Variants in LTBP1 observed in about 807,000 individuals in gnomAD.
LTBP1 encodes the protein latent transforming growth factor beta binding protein 1.
Under a neutral mutation model 207.6 loss-of-function variants are expected in LTBP1, and 129 were observed. The ratio of observed to expected loss-of-function variants is 0.62; its 90% CI spans 0.54 to 0.72. The LOEUF is 0.72. LTBP1 is among the 30% of genes least tolerant of loss of function. The pLI is 0.00. For synonymous variants in LTBP1, 963 were observed against 833.7 expected (o/e 1.16, Z -2.67); for missense variants, 2,281 against 2,217.2 (o/e 1.03, Z -0.58).
chr2:33,186,968 C>T lies in LTBP1; in HGVS notation c.1314C>T (p.Ser438=). ...GTCAGATCCCAGTCCATGGTGCCAG[C>T]GTGCCTAAACTTTATCAGCATTCCC... ...KLCQIPVHGA[S]VPKLYQHSQQ... The change falls in exon 6 of 34, where the codon AGC becomes AGT. Residue 438 remains serine, a synonymous_variant. Transcript: ENST00000404816. The T allele has an allele frequency of 7.4e-6, 12 of 1,614,154 alleles. No homozygotes were observed. Among genetic ancestry groups the T allele is most frequent in the East Asian group, 2.2e-5 (1 of 44,888 alleles).
At chr2:33,356,965 T>C (rs1276775278) in intron 26 of LTBP1, among the ~76,000 whole-genome samples, 4 of 152,194 alleles carry the variant, frequency 2.6e-5, no homozygotes, top group Admixed American at 1.3e-4. Flanking sequence ...AGTGTTACTC[T>C]TGGGTCATTG....
intron 5 of LTBP1, among the ~76,000 whole-genome samples, chr2:33,181,293 C>T (rs1230741665): frequency 6.6e-6 from 1 of 152,218 alleles, no homozygotes; most frequent in African/African-American, 2.4e-5. Context: ...CATTTATATA[C>T]AAGTCATGAA....
intron 24 of LTBP1, among the ~76,000 whole-genome samples, chr2:33,341,786 A>G (rs989783378): frequency 6.7e-6 from 1 of 149,582 alleles, no homozygotes; most frequent in African/African-American, 2.4e-5. Context: ...AAAATGCTCA[A>G]TTTTATTAAT....
intron 2 of LTBP1, among the ~76,000 whole-genome samples, chr2:33,010,721 C>CT (rs1256189915): frequency 0.11 from 14,405 of 134,794 alleles, 891 homozygotes; most frequent in Middle Eastern, 0.12. Context: ...GATTTTAATC[C>CT]TTTTTTTTTT....
intron 31 of LTBP1, among the ~76,000 whole-genome samples, chr2:33,386,589 C>T (rs182649932): frequency 3.9e-5 from 6 of 152,296 alleles, no homozygotes; most frequent in African/African-American, 1.4e-4. Context: ...CTTAGGGAGG[C>T]CAAGGTGATA....
At chr2:33,158,684 C>T (rs1304563502) in intron 5 of LTBP1, among the ~76,000 whole-genome samples, 4 of 152,168 alleles carry the variant, frequency 2.6e-5, no homozygotes, top group Non-Finnish European at 5.9e-5. Flanking sequence ...AGATTTCTTT[C>T]CAGTGATTCA....
At chr2:32,976,321 C>T (rs76524039) in intron 2 of LTBP1, among the ~76,000 whole-genome samples, 15 of 152,086 alleles carry the variant, frequency 9.9e-5, no homozygotes, top group African/African-American at 3.6e-4. Context: ...TCCTCAGGGC[C>T]GTGGCAGTGG....
chr2:33,016,742 G>T (rs552570834), intron 2 of LTBP1, among the ~76,000 whole-genome samples: 1 of 152,348 alleles, frequency 6.6e-6, no homozygotes, highest in East Asian at 1.9e-4. Flanking sequence ...CTTCTGGCTG[G>T]CTGGGGGCAG....
intron 24 of LTBP1, among the ~76,000 whole-genome samples, chr2:33,324,699 C>CTTTTTT (rs35517435): frequency 2.4e-4 from 29 of 123,364 alleles, no homozygotes; most frequent in African/African-American, 7.1e-4. Context: ...TGTATTCTAT[C>CTTTTTT]TTTTTTTTTT....
intron 3 of LTBP1, among the ~76,000 whole-genome samples, chr2:33,088,988 T>A (rs1320606086): frequency 2.0e-5 from 3 of 151,398 alleles, no homozygotes; most frequent in Non-Finnish European, 4.4e-5. Flanking sequence ...AAACCCTGTG[T>A]CTACTAAAAA....
intron 2 of LTBP1, among the ~76,000 whole-genome samples, chr2:33,012,500 G>T (rs978673539): frequency 7.2e-5 from 11 of 152,062 alleles, no homozygotes; most frequent in African/African-American, 1.9e-4. Context: ...TTTGCCAATT[G>T]TCCAATTAAG....
chr2:33,306,158 T>C (rs1361864042), intron 22 of LTBP1, among the ~76,000 whole-genome samples: 1 of 152,244 alleles, frequency 6.6e-6, no homozygotes, highest in Non-Finnish European at 1.5e-5. Flanking sequence ...CCCTAACATA[T>C]GCTCAGCTTT....
intron 24 of LTBP1, among the ~76,000 whole-genome samples, chr2:33,325,972 A>G (rs1559015738): frequency 6.6e-6 from 1 of 152,178 alleles, no homozygotes; most frequent in South Asian, 2.1e-4. Flanking sequence ...AGCCCATGGT[A>G]GAAAGAAATA....
intron 2 of LTBP1, among the ~76,000 whole-genome samples, chr2:32,964,165 A>G (rs983807445): frequency 6.6e-6 from 1 of 152,154 alleles, no homozygotes; most frequent in South Asian, 2.1e-4. Flanking sequence ...CCATCCTGGA[A>G]GTTGCTGGAG....
intron 24 of LTBP1, among the ~76,000 whole-genome samples, chr2:33,324,873 G>T (rs538606983): frequency 6.6e-6 from 1 of 151,530 alleles, no homozygotes; most frequent in Non-Finnish European, 1.5e-5. Context: ...GACTAATTTT[G>T]TTTGTTTGTT....
At chr2:32,986,994 G>C (rs1683696767) in intron 2 of LTBP1, among the ~76,000 whole-genome samples, 1 of 152,174 alleles carries the variant, frequency 6.6e-6, no homozygotes, top group Non-Finnish European at 1.5e-5. Flanking sequence ...TTGTGGCGAT[G>C]GGGGTGTGAT....
chr2:33,228,697 C>CTTTTTTTTTTTTTTTTTTTTTT lies in LTBP1; in HGVS notation c.1876+6567_1876+6568insTTTTTTTTTTTTTTTTTTTTTT. Among the ~76,000 whole-genome samples the CTTTTTTTTTTTTTTTTTTTTTT allele has an allele frequency of 8.3e-3, 823 of 98,986 alleles. 207 individuals carry two copies. Among genetic ancestry groups the CTTTTTTTTTTTTTTTTTTTTTT allele is most frequent in the African/African-American group, 9.2e-3 (222 of 24,208 alleles). 64.9% of individuals were successfully genotyped at this position (98,986 alleles called of 152,430 possible). ...TAATAAGCCCAACCAGGGTTATACC[C>CTTTTTTTTTTTTTTTTTTTTTT]TTTTTTTTTTTTTTTTTTTTTGAGA... On this transcript the variant is annotated intron_variant, in intron 9 of 33. Transcript: ENST00000404816.
intron 5 of LTBP1, among the ~76,000 whole-genome samples, chr2:33,157,639 T>C (rs1332964647): frequency 1.3e-5 from 2 of 152,204 alleles, no homozygotes; most frequent in Non-Finnish European, 2.9e-5. Context: ...GATTTTTATA[T>C]CCAGAACATT....
intron 26 of LTBP1, among the ~76,000 whole-genome samples, chr2:33,353,516 T>C (rs192360669): frequency 6.6e-6 from 1 of 152,310 alleles, no homozygotes; most frequent in East Asian, 1.9e-4. Context: ...TCGGTAACTG[T>C]TGAATAAATT....
Sources: gnomAD v4.1 joint callset for allele counts (sites outside exome capture counted in the v4.1 genomes callset) on GRCh38, gnomAD v4.1.1 for gene constraint, MANE v1.5 for transcripts, NCBI Gene and HGNC (gene_info 2026-07-23, HGNC 2026-07-21) for gene names.